PCDHA13: variants seen among roughly 807,000 people sequenced by gnomAD.
PCDHA13 encodes protocadherin alpha 13.
In PCDHA13, 54 loss-of-function variants were observed where a neutral mutation model predicts 64.8. That is an observed-to-expected ratio of 0.83 (90% CI 0.67 to 1.04). The LOEUF (loss-of-function observed/expected upper bound fraction) is 1.04. Among genes scored for constraint, PCDHA13 ranks in the 50% least tolerant of loss-of-function variants. The pLI, the probability that PCDHA13 is intolerant of heterozygous loss-of-function variation, is 0.00. For synonymous variants in PCDHA13, 587 were observed against 564.4 expected (o/e 1.04, Z -0.57); for missense variants, 1,248 against 1,254.3 (o/e 0.99, Z 0.08).
chr5:140,913,117 GT>G (rs1393810466), intron 1 of PCDHA13, among the ~76,000 whole-genome samples: 23 of 152,262 alleles, frequency 1.5e-4, no homozygotes, highest in Admixed American at 5.2e-4. Flanking sequence ...CAGTTTGGAA[GT>G]TAACCCCTCC....
chr5:140,966,449 C>CT (rs1737219736), intron 1 of PCDHA13: 1 of 425,908 alleles, frequency 2.3e-6, no homozygotes, highest in South Asian at 9.0e-5. Context: ...CCCTTTCCCC[C>CT]TCCCCCTCTG....
At chr5:140,941,648 T>C (rs975692197) in intron 1 of PCDHA13, among the ~76,000 whole-genome samples, 1 of 152,074 alleles carries the variant, frequency 6.6e-6, no homozygotes, top group Non-Finnish European at 1.5e-5. Context: ...TTCCTACAAC[T>C]TATGTCCAAT....
chr5:140,963,873 C>A (rs757553114), intron 1 of PCDHA13, among the ~76,000 whole-genome samples: 5 of 152,188 alleles, frequency 3.3e-5, no homozygotes, highest in Non-Finnish European at 5.9e-5. Flanking sequence ...GTTTTGCTTA[C>A]TATTGTTTTC....
intron 1 of PCDHA13, among the ~76,000 whole-genome samples, chr5:140,893,950 T>A (rs1244558882): frequency 6.6e-6 from 1 of 152,206 alleles, no homozygotes; most frequent in Non-Finnish European, 1.5e-5. Flanking sequence ...TCTGCATGAC[T>A]TTATTAGTCA....
rs2098418669 is a variant in PCDHA13 at position 141,010,882 on chromosome 5, G to C, written c.*945G>C. On this transcript the variant is annotated 3_prime_UTR_variant, in exon 4 of 4. Transcript: ENST00000289272. ...GTCTATAGCTATAAATCTTTAAAGAGAAATATGAATACAATTCCCCTAAAC... is the reference window on the plus strand; with the variant it reads ...GTCTATAGCTATAAATCTTTAAAGACAAATATGAATACAATTCCCCTAAAC... The C allele has an allele frequency of 6.5e-6, 1 of 153,674 alleles. No homozygotes were observed. The allele number at this position is 153,674 out of a possible 1,614,324, so 9.5% of individuals were successfully genotyped here.
intron 1 of PCDHA13, among the ~76,000 whole-genome samples, chr5:140,925,600 A>G (rs1489455075): frequency 6.6e-6 from 1 of 151,508 alleles, no homozygotes; most frequent in African/African-American, 2.4e-5. Context: ...TACATATGTA[A>G]CAAACCTGCA....
At chr5:140,889,904 TTGTCATAC>T (rs1320793501) in intron 1 of PCDHA13, among the ~76,000 whole-genome samples, 4 of 152,172 alleles carry the variant, frequency 2.6e-5, no homozygotes, top group Non-Finnish European at 5.9e-5. Context: ...TACCTTGAGA[TTGTCATAC>T]TGTAAAGAAG....
At chr5:140,959,719 A>G (rs986383146) in intron 1 of PCDHA13, among the ~76,000 whole-genome samples, 4 of 152,366 alleles carry the variant, frequency 2.6e-5, no homozygotes, top group African/African-American at 9.6e-5. Context: ...AAATTTTTAG[A>G]TAACATTATC....
At chr5:140,967,669 G>T (rs782398219) in intron 1 of PCDHA13, 1 of 1,614,126 alleles carries the variant, frequency 6.2e-7, no homozygotes, top group Non-Finnish European at 8.5e-7. Context: ...GCTACACGTC[G>T]GACCGGGAGA....
intron 1 of PCDHA13, among the ~76,000 whole-genome samples, chr5:140,923,382 G>A (rs1554201427): frequency 6.6e-6 from 1 of 152,114 alleles, no homozygotes; most frequent in Non-Finnish European, 1.5e-5. Context: ...TTAAAAATTA[G>A]TTGGGCATGG....
chr5:140,905,980 G>A (rs2072263534), intron 1 of PCDHA13, among the ~76,000 whole-genome samples: 1 of 152,178 alleles, frequency 6.6e-6, no homozygotes, highest in Non-Finnish European at 1.5e-5. Context: ...CAGCATGGGA[G>A]AAAGATGTAG....
rs1171497178 is a variant in PCDHA13, at chr5:140,993,431, C to A, written c.2542+10868C>A. 2.7e-5 allele frequency among the ~76,000 whole-genome samples: 4 copies of A among 149,406 alleles called. No homozygotes were observed. The Admixed American group carries it at 2.7e-4, about 10-fold the overall frequency. On this transcript the variant is annotated intron_variant, in intron 3 of 3. Coordinates refer to ENST00000289272, the MANE Select transcript of PCDHA13 (RefSeq NM_018904.3). ...TCATCAGCATTTCTCTTTTAAAATC[C>A]TTATTCATTCCTGTTCTCCTTCTTT...
At chr5:140,960,444 T>C in intron 1 of PCDHA13, among the ~76,000 whole-genome samples, 1 of 152,022 alleles carries the variant, frequency 6.6e-6, no homozygotes, top group Non-Finnish European at 1.5e-5. Context: ...TAGATATATG[T>C]ATGGATAATT....
chr5:140,884,066 G>C lies in PCDHA13; in HGVS notation c.1798G>C (p.Asp600His). 3 of 1,613,514 alleles carry C rather than the reference G, an allele frequency of 1.9e-6. No individual in the cohort carries two copies. Among genetic ancestry groups the C allele is most frequent in the Non-Finnish European group, 2.5e-6 (3 of 1,179,760 alleles). ...VVAKVRAVDADSGYNAWLSYE... is the reference protein window; with the variant it reads ...VVAKVRAVDAHSGYNAWLSYE... ...GGCGAAGGTGCGCGCGGTGGACGCC[G>C]ATTCGGGCTACAATGCGTGGCTTTC... Residue 600 changes from aspartate (D) to histidine (H), a missense_variant, in exon 1 of 4, where the codon GAT becomes CAT. Physicochemically the swap from Asp to His is moderately conservative, Grantham distance 81. Transcript: ENST00000289272.
chr5:140,999,180 GAGA>G (rs1554256675), intron 3 of PCDHA13, among the ~76,000 whole-genome samples: 1 of 152,238 alleles, frequency 6.6e-6, no homozygotes, highest in East Asian at 1.9e-4. Context: ...GCCTGATGGG[GAGA>G]GGGTCCTTGG....
intron 2 of PCDHA13, among the ~76,000 whole-genome samples, chr5:140,979,837 C>T (rs1554241124): frequency 6.6e-6 from 1 of 152,188 alleles, no homozygotes; most frequent in Non-Finnish European, 1.5e-5. Flanking sequence ...AAGAAATAAT[C>T]TTCAAACTTA....
chr5:140,999,183 AG>A (rs1233229901), intron 3 of PCDHA13, among the ~76,000 whole-genome samples: 2 of 152,200 alleles, frequency 1.3e-5, no homozygotes, highest in East Asian at 1.9e-4. Flanking sequence ...TGATGGGGAG[AG>A]GGTCCTTGGA....
At chr5:140,983,018 A>T (rs2097022598) in intron 3 of PCDHA13, among the ~76,000 whole-genome samples, 1 of 152,096 alleles carries the variant, frequency 6.6e-6, no homozygotes, top group African/African-American at 2.4e-5. Flanking sequence ...GGAAGGAAGG[A>T]AGGAAGATGG....
At chr5:140,967,894 G>A (rs1586251835) in intron 1 of PCDHA13, 5 of 1,614,192 alleles carry the variant, frequency 3.1e-6, no homozygotes, top group Non-Finnish European at 3.4e-6. Context: ...CAGTGCCTGA[G>A]AATGCTACAC....
Sources: gnomAD v4.1 joint callset for allele counts (sites outside exome capture counted in the v4.1 genomes callset) on GRCh38, gnomAD v4.1.1 for gene constraint, MANE v1.5 for transcripts, NCBI Gene and HGNC (gene_info 2026-07-23, HGNC 2026-07-21) for gene names.